The following PEX6 variants were observed in gnomAD, a reference collection of about 807,000 sequenced individuals.
PEX6 encodes the protein peroxisomal biogenesis factor 6.
In PEX6, 55 loss-of-function variants were observed where a neutral mutation model predicts 85.6. That is an observed-to-expected ratio of 0.64 (90% CI 0.52 to 0.80). PEX6 has a LOEUF of 0.80. Among genes scored for constraint, PEX6 ranks in the 30% least tolerant of loss-of-function variants. The pLI is 0.00. For missense variants in PEX6, 1,099 were observed against 1,260.3 expected (o/e 0.87, Z 1.94); for synonymous variants, 519 against 549.1 (o/e 0.95, Z 0.77).
chr6:42,969,695 GCA>G lies in PEX6; in HGVS notation c.1338_1339del (p.Ala447CysfsTer17), dbSNP rs398123303. The G allele has an allele frequency of 1.9e-6, 3 of 1,613,170 alleles. No homozygotes were observed. The highest frequency in any genetic ancestry group is 1.7e-5 in the Admixed American group (1 of 60,020). ...TGGCTGGAGGCGAGGCTTCAGGACAGCACAGAGTTCAGACACCAAGGCCTCCA... is the reference window on the plus strand; with the variant it reads ...TGGCTGGAGGCGAGGCTTCAGGACAGCAGAGTTCAGACACCAAGGCCTCCA... On this transcript the variant is annotated frameshift_variant, in exon 5 of 17. Coordinates refer to ENST00000304611, the MANE Select transcript of PEX6 (RefSeq NM_000287.4). LOFTEE classifies it high-confidence loss of function.
Position 42,964,563 on chromosome 6 carries a change from C to T in PEX6, c.2807-92G>A. On this transcript the variant is annotated intron_variant, in intron 16 of 16. Coordinates refer to ENST00000304611, the MANE Select transcript of PEX6 (RefSeq NM_000287.4). This position sits in a 1 kb window ranked among gnomAD's most constrained non-coding sequence, Gnocchi z 4.6. ...TTCCTGCTCAGGGTCTCCTAGATGTCAATGATCTTCCCTCTGGAATCCAGG... is the reference window on the plus strand; with the variant it reads ...TTCCTGCTCAGGGTCTCCTAGATGTTAATGATCTTCCCTCTGGAATCCAGG... 2 of 1,468,658 alleles carry T rather than the reference C, an allele frequency of 1.4e-6. No homozygotes were observed. The highest frequency in any genetic ancestry group is 1.9e-6 in the Non-Finnish European group (2 of 1,053,614). The allele number at this position is 1,468,658 out of a possible 1,614,324, so 91.0% of individuals were successfully genotyped here. A position where few individuals can be genotyped will look rare whatever the true frequency, so the allele number is the denominator to read the frequency against.
At position 42,969,891 on chromosome 6, in the gene PEX6, C is replaced by T; in HGVS notation, c.1227G>A (p.Leu409=). 2 of 1,614,222 alleles carry T rather than the reference C, an allele frequency of 1.2e-6. No individual in the cohort carries two copies. Among genetic ancestry groups the T allele is most frequent in the Non-Finnish European group, 8.5e-7 (1 of 1,180,024 alleles). The change falls in exon 4 of 17, where the codon TTG becomes TTA. Residue 409 remains leucine, a synonymous_variant. Coordinates refer to ENST00000304611, the MANE Select transcript of PEX6 (RefSeq NM_000287.4). ...CCCATCCTTGGGGCCTCACCATGTA[C>T]AAGGAGGTATGGGTGGTGTCGGCCA... ...AYLADTTHTS[L]YMVGSTLSPV...
At chr6:42,973,823 C>T (rs1770154005) in intron 3 of PEX6, among the ~76,000 whole-genome samples, 180 bp downstream of exon 3, 1 of 152,132 alleles carries the variant, frequency 6.6e-6, no homozygotes, top group Non-Finnish European at 1.5e-5. Context: ...GTGTTTGCAC[C>T]ACTAAACTCC....
chr6:42,978,817 G>C lies in PEX6; in HGVS notation c.334C>G (p.Leu112Val), dbSNP rs756950827. ...ALGWALLGTS[L>V]GPGLGPRVGP... is the part of the protein sequence containing the mutation. ...ACTCGCGGTCCGAGCCCAGGCCCCAGCGAGGTGCCAAGCAGTGCCCAACCT... is the reference window on the plus strand; with the variant it reads ...ACTCGCGGTCCGAGCCCAGGCCCCACCGAGGTGCCAAGCAGTGCCCAACCT... Residue 112 changes from leucine to valine, a missense_variant, in exon 1 of 17, where the codon CTG becomes GTG. Transcript: ENST00000304611. 4 of 1,533,332 alleles carry C rather than the reference G, an allele frequency of 2.6e-6. No individual in the cohort carries two copies. Among genetic ancestry groups the C allele is most frequent in the South Asian group, 1.2e-5 (1 of 83,936 alleles). 95.0% of individuals were successfully genotyped at this position (1,533,332 alleles called of 1,614,324 possible). A position where few individuals can be genotyped will look rare whatever the true frequency, so the allele number is the denominator to read the frequency against.
Position 42,963,928 on chromosome 6 carries a change from A to T in PEX6, c.*407T>A, listed in dbSNP as rs886061409. On this transcript the variant is annotated 3_prime_UTR_variant, in exon 17 of 17. Coordinates refer to ENST00000304611, the MANE Select transcript of PEX6 (RefSeq NM_000287.4). The stretch of plus-strand genomic sequence containing the variant: ...GAAGGATCAGGCTCCCATGCTGCCC[A>T]CCCCCCCACCCTCTCCCAGGGCTTA... 6 of 375,182 alleles carry T rather than the reference A, an allele frequency of 1.6e-5. No individual in the cohort carries two copies. The highest frequency in any genetic ancestry group is 6.8e-5 in the African/African-American group (2 of 29,230). The allele number at this position is 375,182 out of a possible 1,614,324, so 23.2% of individuals were successfully genotyped here.
intron 1 of PEX6, 35 bp from the exon 2 acceptor site, chr6:42,975,073 T>C: frequency 6.4e-7 from 1 of 1,559,864 alleles, no homozygotes; most frequent in South Asian, 1.1e-5. Flanking sequence ...TATAACCTTC[T>C]CCTAAGGGGG....
In PEX6 at chr6:42,978,295, G is replaced by C. The variant is rs2150239282; in HGVS notation, c.856C>G (p.Leu286Val). The C allele has an allele frequency of 1.2e-6, 2 of 1,614,176 alleles. No individual in the cohort carries two copies. The highest frequency in any genetic ancestry group is 8.5e-7 in the Non-Finnish European group (1 of 1,180,028). ...TLAFNLGCDP[L>V]EMGELRIQRY... ...TGAATTCTGAGCTCTCCCATTTCCA[G>C]GGGGTCACAGCCAAGATTAAAAGCC... Residue 286 changes from leucine (L) to valine (V), a missense_variant, in exon 1 of 17, where the codon CTG (leucine) becomes GTG (valine). Transcript: ENST00000304611.
In PEX6 at chr6:42,978,422, C is replaced by A; in HGVS notation, c.729G>T (p.Gln243His). The A allele has an allele frequency of 6.2e-7, 1 of 1,614,074 alleles. No homozygotes were observed. The highest frequency in any genetic ancestry group is 8.5e-7 in the Non-Finnish European group (1 of 1,180,016). ...AGAGGTCCCAGCGAGGTTCTAGGAC[C>A]TGCACCCTAGCCAAGTGCGGCTGTG... ...NTSQPHLARVQVLEPRWDLSD... is the reference protein window; with the variant it reads ...NTSQPHLARVHVLEPRWDLSD... Residue 243 changes from glutamine (Q) to histidine (H), a missense_variant, in exon 1 of 17, where the codon CAG (glutamine) becomes CAT (histidine). Physicochemically the swap from Gln to His is conservative, Grantham distance 24. Around this residue, in one of 3 missense-constraint regions of PEX6, gnomAD observed 579 missense variants for 611.6 expected, o/e 0.95. Coordinates refer to ENST00000304611, the MANE Select transcript of PEX6 (RefSeq NM_000287.4).
At position 42,978,337 on chromosome 6, in the gene PEX6, G is replaced by A; in HGVS notation, c.814C>T (p.Leu272Phe). ...TTAAAAGCCAAAGTGGCAGGGACAA[G>A]CGCCAGTCCGTCAGCGAGGGGCTCT... ...LGEPLADGLA[L>F]VPATLAFNLG... The change falls in exon 1 of 17, where the codon CTT becomes TTT. Residue 272 changes from leucine (L) to phenylalanine (F), a missense_variant. Physicochemically the swap from Leu to Phe is conservative, Grantham distance 22 (BLOSUM62 0). Transcript: ENST00000304611. 3 of 1,614,210 alleles carry A rather than the reference G, an allele frequency of 1.9e-6. No individual in the cohort carries two copies. The highest frequency in any genetic ancestry group is 1.1e-5 in the South Asian group (1 of 91,088).
At chr6:42,976,262 C>T (rs1003122928) in intron 1 of PEX6, among the ~76,000 whole-genome samples, 2 of 152,162 alleles carry the variant, frequency 1.3e-5, no homozygotes, top group African/African-American at 4.8e-5. Flanking sequence ...TAAAAAGCCA[C>T]AAAGTGGCTG....
At position 42,967,486 on chromosome 6, in the gene PEX6, T is replaced by C. The variant is rs762313505; in HGVS notation, c.1766A>G (p.His589Arg). Residue 589 changes from histidine to arginine, a missense_variant, in exon 8 of 17, where the codon CAT becomes CGT. Around this residue, in one of 3 missense-constraint regions of PEX6, gnomAD observed 514 missense variants for 627.0 expected, o/e 0.82. Transcript: ENST00000304611. The stretch of plus-strand genomic sequence containing the variant: ...TGACAGAGCAGGCACCTCGAGCTCA[T>C]GAGGAAATGCTGTCTGCACATCAGC... Reference protein sequence around the residue: ...LPADVQTAFPHELEVPALSEG... With the variant: ...LPADVQTAFPRELEVPALSEG... The C allele has an allele frequency of 3.1e-6, 5 of 1,610,760 alleles. No homozygotes were observed. Among genetic ancestry groups the C allele is most frequent in the Non-Finnish European group, 4.2e-6 (5 of 1,178,900 alleles).
At chr6:42,975,484 T>C (rs1432463973) in intron 1 of PEX6, among the ~76,000 whole-genome samples, 1 of 152,156 alleles carries the variant, frequency 6.6e-6, no homozygotes, top group Non-Finnish European at 1.5e-5. Flanking sequence ...ACCCCAGTAG[T>C]TTTTCCTCCA....
intron 1 of PEX6, among the ~76,000 whole-genome samples, chr6:42,976,451 C>A (rs916431486): frequency 2.6e-5 from 4 of 152,134 alleles, no homozygotes; most frequent in Admixed American, 2.6e-4. Flanking sequence ...CAACTGCCAC[C>A]TCCCAGGTTC....
At position 42,978,658 on chromosome 6, in the gene PEX6, T is replaced by C; in HGVS notation, c.493A>G (p.Arg165Gly). ...LAVTELRGRARLCPESGDSSR... is the reference protein window; with the variant it reads ...LAVTELRGRAGLCPESGDSSR... ...CTGTCCCCAGACTCTGGACACAGTC[T>C]GGCCCGCCCGCGGAGCTCAGTCACA... Residue 165 changes from arginine to glycine, a missense_variant, in exon 1 of 17, where the codon AGA becomes GGA. Arg to Gly is a moderately radical substitution (Grantham distance 125, BLOSUM62 -2). Coordinates refer to ENST00000304611, the MANE Select transcript of PEX6 (RefSeq NM_000287.4). The C allele has an allele frequency of 1.9e-6, 3 of 1,569,752 alleles. No individual in the cohort carries two copies. The highest frequency in any genetic ancestry group is 2.6e-6 in the Non-Finnish European group (3 of 1,164,756).
At chr6:42,973,769 T>C (rs1770152600) in intron 3 of PEX6, among the ~76,000 whole-genome samples, 1 of 151,948 alleles carries the variant, frequency 6.6e-6, no homozygotes, top group Non-Finnish European at 1.5e-5. Flanking sequence ...AGTGCTGAGG[T>C]GGGAGGATCA....
intron 3 of PEX6, among the ~76,000 whole-genome samples, chr6:42,973,500 C>T (rs939366665): frequency 6.6e-6 from 1 of 152,130 alleles, no homozygotes; most frequent in South Asian, 2.1e-4. Flanking sequence ...GGTTCTTAAC[C>T]TTTCTTCAGT....
chr6:42,968,995 G>A lies in PEX6; in HGVS notation c.1368-10C>T. On this transcript the variant is annotated splice_polypyrimidine_tract_variant and intron_variant, in intron 5 of 16. Transcript: ENST00000304611. ...TGTCAGCAGGGCACCCCTGCAACCA[G>A]AGAACAGACATTCGTCTCCTTCATT... 1 of 1,583,958 alleles carries A rather than the reference G, an allele frequency of 6.3e-7. No homozygotes were observed. Among genetic ancestry groups the A allele is most frequent in the Non-Finnish European group, 8.7e-7 (1 of 1,152,958 alleles).
At chr6:42,974,825 A>C (rs1160208998) in intron 2 of PEX6, 50 bp downstream of exon 2, 2 of 1,532,184 alleles carry the variant, frequency 1.3e-6, no homozygotes, top group Non-Finnish European at 1.8e-6. Flanking sequence ...GGATAGGAGG[A>C]ATGTAATGAG....
At chr6:42,978,170 A>T in intron 1 of PEX6, 99 bp downstream of exon 1, 1 of 1,395,720 alleles carries the variant, frequency 7.2e-7, no homozygotes, top group Admixed American at 1.7e-5. Flanking sequence ...AAAGTCCGGG[A>T]TGATATGGGG....
Sources: gnomAD v4.1 joint callset for allele counts (sites outside exome capture counted in the v4.1 genomes callset) on GRCh38, gnomAD v4.1.1 for gene constraint, gnomAD v4.1.1 regional missense constraint, Gnocchi (gnomAD v3.1) non-coding constraint, MANE v1.5 for transcripts, NCBI Gene and HGNC (gene_info 2026-07-23, HGNC 2026-07-21) for gene names.